Variants in SGCZ observed in about 807,000 individuals in gnomAD.
The protein encoded by SGCZ is zeta-sarcoglycan.
A neutral mutation model predicts 41.3 loss-of-function variants in SGCZ; 40 were observed. The observed-to-expected ratio is 0.97, with a 90% CI of 0.75 to 1.26. The LOEUF (loss-of-function observed/expected upper bound fraction) is 1.26. SGCZ is among the 50% of genes most tolerant of loss of function. The pLI is 0.00. For synonymous variants in SGCZ, 206 were observed against 137.5 expected, an observed-to-expected ratio of 1.50 and a Z score of -3.49; for missense variants, 552 against 369.8, an observed-to-expected ratio of 1.49 and a Z score of -4.04.
intron 4 of SGCZ, among the ~76,000 whole-genome samples, chr8:14,231,427 G>A (rs968505924): frequency 6.6e-6 from 1 of 151,816 alleles, no homozygotes; most frequent in South Asian, 2.1e-4. Flanking sequence ...AAACAAACAG[G>A]TCCAGCCACA....
At chr8:14,264,434 A>T (rs148757864) in intron 3 of SGCZ, among the ~76,000 whole-genome samples, 1 of 152,118 alleles carries the variant, frequency 6.6e-6, no homozygotes, top group African/African-American at 2.4e-5. Context: ...ACAGAAATCC[A>T]TGGACCCACA....
intron 1 of SGCZ, among the ~76,000 whole-genome samples, chr8:14,783,164 T>G (rs938031132): frequency 6.6e-6 from 1 of 152,156 alleles, no homozygotes; most frequent in African/African-American, 2.4e-5. Context: ...CCGGGCACGG[T>G]GGCTCACGCA....
chr8:15,218,917 G>C (rs1037911009), intron 1 of SGCZ, among the ~76,000 whole-genome samples: 1 of 152,150 alleles, frequency 6.6e-6, no homozygotes, highest in Non-Finnish European at 1.5e-5. Flanking sequence ...CCCACAAGTG[G>C]CGCTGAAAAT....
intron 1 of SGCZ, among the ~76,000 whole-genome samples, chr8:15,226,880 C>T (rs559821322): frequency 9.3e-4 from 141 of 152,098 alleles, no homozygotes; most frequent in Non-Finnish European, 1.7e-3. Flanking sequence ...GTTGGATGTA[C>T]GGAATGATGA....
chr8:14,996,953 T>C (rs1337757828), intron 1 of SGCZ, among the ~76,000 whole-genome samples: 1 of 152,184 alleles, frequency 6.6e-6, no homozygotes, highest in Non-Finnish European at 1.5e-5. Context: ...GGCCCCTAAT[T>C]ACTACTCTAC....
chr8:14,610,937 C>CCCAGCTACTCGGGAGGCTGAGGCAGGAGA (rs1805908770), intron 1 of SGCZ, among the ~76,000 whole-genome samples: 1 of 152,126 alleles, frequency 6.6e-6, no homozygotes, highest in Admixed American at 6.5e-5. Flanking sequence ...TCCAAACCTT[C>CCCAGCTACTCGGGAGGCTGAGGCAGGAGA]ATATTAATTC....
At chr8:15,114,188 G>A (rs1427618340) in intron 1 of SGCZ, among the ~76,000 whole-genome samples, 11 of 152,084 alleles carry the variant, frequency 7.2e-5, no homozygotes, top group African/African-American at 2.4e-5. Context: ...TCAAGTTTCT[G>A]ATCAAAATAA....
At chr8:14,230,062 T>C (rs993571881) in intron 4 of SGCZ, among the ~76,000 whole-genome samples, 1 of 152,150 alleles carries the variant, frequency 6.6e-6, no homozygotes, top group Non-Finnish European at 1.5e-5. Context: ...ACAAAATACG[T>C]GCCTATGCTC....
At chr8:14,119,684 T>A (rs141458196) in intron 5 of SGCZ, among the ~76,000 whole-genome samples, 1 of 152,178 alleles carries the variant, frequency 6.6e-6, no homozygotes, top group African/African-American at 2.4e-5. Flanking sequence ...TTCAGTATGA[T>A]ATTAGCTGTG....
chr8:14,286,396 C>T (rs925898769), intron 3 of SGCZ, among the ~76,000 whole-genome samples: 15 of 152,206 alleles, frequency 9.9e-5, no homozygotes, highest in African/African-American at 2.4e-4. Context: ...TTAGCGAATG[C>T]GTGCAGAGTA....
chr8:14,206,744 T>C (rs1047290304), intron 4 of SGCZ, among the ~76,000 whole-genome samples: 4 of 152,196 alleles, frequency 2.6e-5, no homozygotes. Flanking sequence ...ACCCCCTAAA[T>C]TACCTGCTGT....
intron 1 of SGCZ, among the ~76,000 whole-genome samples, chr8:15,045,547 G>A (rs1804272080): frequency 6.6e-6 from 1 of 152,070 alleles, no homozygotes; most frequent in Admixed American, 6.6e-5. Context: ...TAGTTTAGTA[G>A]ACCAGTGATA....
intron 2 of SGCZ, among the ~76,000 whole-genome samples, chr8:14,416,485 T>C (rs1799496756): frequency 6.6e-6 from 1 of 151,882 alleles, no homozygotes; most frequent in Admixed American, 6.6e-5. Context: ...GCTGCCTTCA[T>C]AGAGAATCTG....
intron 1 of SGCZ, among the ~76,000 whole-genome samples, chr8:14,630,640 A>G (rs1026813758): frequency 1.3e-5 from 2 of 152,084 alleles, no homozygotes; most frequent in East Asian, 1.9e-4. Context: ...CAAAAATGAT[A>G]GACTGGATTA....
chr8:14,614,468 A>G (rs1806030759), intron 1 of SGCZ, among the ~76,000 whole-genome samples: 1 of 152,114 alleles, frequency 6.6e-6, no homozygotes, highest in Non-Finnish European at 1.5e-5. Flanking sequence ...GTATTTTTCT[A>G]TTTATCTCTA....
At chr8:14,601,418 T>C (rs1353456998) in intron 1 of SGCZ, among the ~76,000 whole-genome samples, 1 of 152,150 alleles carries the variant, frequency 6.6e-6, no homozygotes, top group African/African-American at 2.4e-5. Flanking sequence ...ATACAATAAA[T>C]GGAAGAATAC....
chr8:15,212,149 T>C (rs1294552294), intron 1 of SGCZ, among the ~76,000 whole-genome samples: 1 of 152,164 alleles, frequency 6.6e-6, no homozygotes, highest in African/African-American at 2.4e-5. Context: ...TAACAATATG[T>C]TCAAAATTAG....
At chr8:14,203,054 T>C (rs762468775) in intron 4 of SGCZ, among the ~76,000 whole-genome samples, 1 of 152,162 alleles carries the variant, frequency 6.6e-6, no homozygotes, top group African/African-American at 2.4e-5. Context: ...CTGCCATCCA[T>C]GTAAGATGTG....
chr8:14,482,666 T>C (rs1214581388), intron 2 of SGCZ, among the ~76,000 whole-genome samples: 2 of 152,006 alleles, frequency 1.3e-5, no homozygotes, highest in African/African-American at 2.4e-5. Context: ...TATTAGCATC[T>C]GCGAAATAAG....
Sources: gnomAD v4.1 joint callset for allele counts (sites outside exome capture counted in the v4.1 genomes callset) on GRCh38, gnomAD v4.1.1 for gene constraint, MANE v1.5 for transcripts, NCBI Gene and HGNC (gene_info 2026-07-23, HGNC 2026-07-21) for gene names.